The following AGBL4 variants were observed in gnomAD, a reference collection of about 807,000 sequenced individuals.
AGBL4 encodes the protein AGBL carboxypeptidase 4.
In AGBL4, 58 loss-of-function variants were observed where a neutral mutation model predicts 66.4. That is an observed-to-expected ratio of 0.87 (90% CI 0.71 to 1.09). AGBL4 has a LOEUF of 1.09. Ranked by LOEUF, AGBL4 falls within the 50% of genes least tolerant of loss-of-function variation. The pLI is 0.00. For missense variants in AGBL4, 579 were observed against 631.0 expected (o/e 0.92, Z 0.88); for synonymous variants, 234 against 222.9 (o/e 1.05, Z -0.44).
rs558086015 is a variant in AGBL4 at position 48,591,513 on chromosome 1, C to T, written c.952-528G>A. Among the ~76,000 whole-genome samples the T allele has an allele frequency of 9.2e-5, 14 of 152,188 alleles. No homozygotes were observed. In the South Asian group the frequency reaches 1.0e-3, roughly 11 times the overall value. On this transcript the variant is annotated intron_variant, in intron 9 of 13. Transcript: ENST00000371839. ...AGCCTCAGCTTTCTTATCTGAAAAA[C>T]GAGTATTTTAATTCAAACCTCAGAG...
chr1:48,833,519 A>G (rs1395455294), intron 6 of AGBL4, among the ~76,000 whole-genome samples: 1 of 152,218 alleles, frequency 6.6e-6, no homozygotes, highest in East Asian at 1.9e-4. Context: ...AAGCAAGCTG[A>G]ATGTAAAGAT....
At chr1:48,985,768 T>TA (rs538280684) in intron 5 of AGBL4, among the ~76,000 whole-genome samples, 78 of 150,444 alleles carry the variant, frequency 5.2e-4, no homozygotes, top group African/African-American at 1.8e-3. Context: ...TGCTATATAA[T>TA]AAAAAAAAGC....
At chr1:49,133,302 G>A (rs1012999623) in intron 4 of AGBL4, among the ~76,000 whole-genome samples, 1 of 151,984 alleles carries the variant, frequency 6.6e-6, no homozygotes, top group Non-Finnish European at 1.5e-5. Flanking sequence ...TTAAAACCTA[G>A]ATGACAGGTT....
chr1:49,995,616 C>T, intron 1 of AGBL4: 1 of 235,186 alleles, frequency 4.3e-6, no homozygotes, highest in South Asian at 5.7e-5. Flanking sequence ...ATGCCCCAAA[C>T]CACAGCCTGA....
At chr1:49,704,028 C>G (rs1232174838) in intron 2 of AGBL4, among the ~76,000 whole-genome samples, 1 of 151,978 alleles carries the variant, frequency 6.6e-6, no homozygotes, top group Non-Finnish European at 1.5e-5. Context: ...CCAAAGATAT[C>G]CAAGTCTTTT....
At chr1:49,797,507 C>G (rs1250753160) in intron 2 of AGBL4, among the ~76,000 whole-genome samples, 2 of 152,144 alleles carry the variant, frequency 1.3e-5, no homozygotes, top group Non-Finnish European at 2.9e-5. Context: ...AATTATATAG[C>G]TCAACTGTAA....
intron 5 of AGBL4, among the ~76,000 whole-genome samples, chr1:48,929,259 C>T (rs527657104): frequency 6.6e-6 from 1 of 152,172 alleles, no homozygotes; most frequent in East Asian, 1.9e-4. Context: ...GGGACCAGCA[C>T]AATCTGGCCC....
chr1:49,740,932 C>T (rs1203802502), intron 2 of AGBL4, among the ~76,000 whole-genome samples: 4 of 152,184 alleles, frequency 2.6e-5, no homozygotes, highest in East Asian at 3.9e-4. Context: ...GCACTAAATG[C>T]CCAGGAGAGA....
intron 10 of AGBL4, among the ~76,000 whole-genome samples, chr1:48,588,105 C>T (rs548859406): frequency 6.6e-6 from 1 of 152,190 alleles, no homozygotes; most frequent in East Asian, 1.9e-4. Context: ...GGTTTCCTCT[C>T]TATAGATGAG....
chr1:49,620,284 C>T (rs1645333425), intron 3 of AGBL4, among the ~76,000 whole-genome samples: 1 of 151,772 alleles, frequency 6.6e-6, no homozygotes, highest in Admixed American at 6.6e-5. Context: ...AAAAACAAAC[C>T]ACCCCATCAA....
At chr1:48,913,572 G>T (rs968143087) in intron 5 of AGBL4, among the ~76,000 whole-genome samples, 5 of 152,138 alleles carry the variant, frequency 3.3e-5, no homozygotes, top group Non-Finnish European at 5.9e-5. Context: ...TAGGTTGTGG[G>T]CTCCTTATGA....
chr1:48,846,666 A>G (rs576780401), intron 6 of AGBL4, among the ~76,000 whole-genome samples: 39 of 152,328 alleles, frequency 2.6e-4, no homozygotes, highest in African/African-American at 8.9e-4. Flanking sequence ...AGGCATGGTA[A>G]GTAGGTTTTA....
intron 4 of AGBL4, among the ~76,000 whole-genome samples, chr1:49,148,965 G>C (rs1266337553): frequency 6.6e-6 from 1 of 152,154 alleles, no homozygotes; most frequent in Non-Finnish European, 1.5e-5. Context: ...CTGAATTTGG[G>C]TGACTCTCAT....
chr1:49,929,377 T>C (rs1653109847), intron 1 of AGBL4, among the ~76,000 whole-genome samples: 1 of 150,814 alleles, frequency 6.6e-6, no homozygotes, highest in Middle Eastern at 3.4e-3. Context: ...CACAGAAAAA[T>C]AAATGTAAGA....
At chr1:48,817,795 G>C in intron 6 of AGBL4, 1 of 466,932 alleles carries the variant, frequency 2.1e-6, no homozygotes, top group Non-Finnish European at 3.8e-6. Flanking sequence ...CACACATCCT[G>C]ATATGTCAGG....
chr1:49,138,956 C>G (rs188969866), intron 4 of AGBL4, among the ~76,000 whole-genome samples: 9 of 152,152 alleles, frequency 5.9e-5, no homozygotes, highest in East Asian at 3.9e-4. Flanking sequence ...GCTGGGGAGG[C>G]CTCAGGAAAC....
At chr1:49,017,657 G>C (rs937165365) in intron 5 of AGBL4, among the ~76,000 whole-genome samples, 1 of 152,044 alleles carries the variant, frequency 6.6e-6, no homozygotes, top group South Asian at 2.1e-4. Context: ...ACTCCAGGAG[G>C]GCAGAAATCA....
intron 5 of AGBL4, among the ~76,000 whole-genome samples, chr1:48,991,706 T>C (rs540066769): frequency 1.3e-5 from 2 of 152,228 alleles, no homozygotes; most frequent in Admixed American, 1.3e-4. Flanking sequence ...ACTGTGTATT[T>C]TCAAATAGCC....
chr1:48,689,892 G>C (rs1385773477), intron 6 of AGBL4, among the ~76,000 whole-genome samples: 2 of 152,218 alleles, frequency 1.3e-5, no homozygotes, highest in Admixed American at 1.3e-4. Context: ...GCGACAGAGT[G>C]AGAGACCCTG....
Sources: allele counts gnomAD v4.1 joint callset (sites outside exome capture counted in the v4.1 genomes callset), GRCh38; gene constraint gnomAD v4.1.1; transcripts MANE v1.5; gene names NCBI Gene and HGNC (gene_info 2026-07-23, HGNC 2026-07-21).